The following IL20RB variants were observed in gnomAD, a reference collection of about 807,000 sequenced individuals.
The protein encoded by IL20RB is interleukin 20 receptor subunit beta, also known as interleukin-20 receptor subunit beta.
IL20RB carries 21 observed loss-of-function variants against 33.3 expected under a neutral mutation model. That is an observed-to-expected ratio of 0.63 (90% CI 0.45 to 0.91). The LOEUF (loss-of-function observed/expected upper bound fraction) is 0.91. Among genes scored for constraint, IL20RB ranks in the 40% least tolerant of loss-of-function variants. The probability of loss-of-function intolerance (pLI) is 0.00; values close to 1 mark genes in which losing one functional copy is unlikely to be tolerated. For synonymous variants in IL20RB, 147 were observed against 146.8 expected, an observed-to-expected ratio of 1.00 and a Z score of -0.01; for missense variants, 345 against 384.8, an observed-to-expected ratio of 0.90 and a Z score of 0.86.
At chr3:136,998,191 T>TG (rs1188058723) in intron 6 of IL20RB, among the ~76,000 whole-genome samples, 1 of 139,634 alleles carries the variant, frequency 7.2e-6, no homozygotes. Flanking sequence ...AATTAAAAAT[T>TG]TTTTTTGAAT....
intron 5 of IL20RB, among the ~76,000 whole-genome samples, chr3:136,993,528 C>A (rs890016224): frequency 7.2e-5 from 11 of 152,084 alleles, no homozygotes; most frequent in Non-Finnish European, 1.5e-4. Flanking sequence ...CCCATTAACT[C>A]GTCATTTACA....
chr3:136,994,248 TTGTATATTTTA>T (rs1560075138), intron 5 of IL20RB, among the ~76,000 whole-genome samples: 1 of 152,152 alleles, frequency 6.6e-6, no homozygotes, highest in Admixed American at 6.5e-5. Flanking sequence ...AATAACCTAA[TTGTATATTTTA>T]ACATAACTTA....
In IL20RB at chr3:137,009,492, C is replaced by T. The variant is rs149381615; in HGVS notation, c.826-621C>T. Among the ~76,000 whole-genome samples the T allele has an allele frequency of 2.8e-4, 42 of 152,172 alleles. No individual in the cohort carries two copies. In the East Asian group the frequency reaches 8.1e-3, roughly 29 times the overall value. On this transcript the variant is annotated intron_variant, in intron 6 of 6. Coordinates refer to ENST00000329582, the MANE Select transcript of IL20RB (RefSeq NM_144717.4). Reference sequence around the variant, plus strand: ...GTGCTGTTCATAAAGCATCTCAGACCAGGTCATAATTCTCAGAGCTCTGTG... The same window carrying T: ...GTGCTGTTCATAAAGCATCTCAGACTAGGTCATAATTCTCAGAGCTCTGTG...
At chr3:136,985,222 G>A (rs933726003) in intron 3 of IL20RB, among the ~76,000 whole-genome samples, 22 of 152,014 alleles carry the variant, frequency 1.4e-4, no homozygotes, top group African/African-American at 4.8e-4. Context: ...TCTCTTAAGG[G>A]CATTAAGTTT....
chr3:136,996,673 C>T (rs1244849917), intron 6 of IL20RB, among the ~76,000 whole-genome samples: 3 of 152,204 alleles, frequency 2.0e-5, no homozygotes, highest in African/African-American at 7.2e-5. Flanking sequence ...GTAGTCATAA[C>T]GATGTTAGCT....
At chr3:136,964,411 T>C (rs930135119) in intron 1 of IL20RB, among the ~76,000 whole-genome samples, 7 of 101,086 alleles carry the variant, frequency 6.9e-5, no homozygotes, top group Admixed American at 3.6e-4. Context: ...TGATATCTCA[T>C]AGTGGTTTTG....
In IL20RB at chr3:136,974,060, G is replaced by A. The variant is rs569490658; in HGVS notation, c.89-6406G>A. ...GAGAATTTAATCCACTTATATTCAA[G>A]GTTATTAATATGTGAGGTTTTTTCC... On this transcript the variant is annotated intron_variant, in intron 1 of 6. Coordinates refer to ENST00000329582, the MANE Select transcript of IL20RB (RefSeq NM_144717.4). Among the ~76,000 whole-genome samples the A allele has an allele frequency of 4.0e-5, 6 of 151,860 alleles. No homozygotes were observed. The South Asian group carries it at 1.3e-3, about 32-fold the overall frequency.
chr3:136,995,528 G>A lies in IL20RB; in HGVS notation c.797G>A (p.Cys266Tyr). 2.5e-6 allele frequency: 4 copies of A among 1,614,128 alleles called. No homozygotes were observed. The highest frequency in any genetic ancestry group is 3.4e-6 in the Non-Finnish European group (4 of 1,180,032). ...KMGRLLQYSC[C>Y]PVVVLPDTLK... is the part of the protein sequence containing the mutation. ...GGCCGGCTGCTCCAGTACTCCTGTT[G>A]CCCCGTGGTGGTCCTCCCAGACACC... The change falls in exon 6 of 7, where the codon TGC (cysteine) becomes TAC (tyrosine). Residue 266 changes from cysteine (C) to tyrosine (Y), a missense_variant. Physicochemically the swap from Cys to Tyr is radical, Grantham distance 194. Transcript: ENST00000329582.
At chr3:136,959,857 A>C (rs1489312192) in intron 1 of IL20RB, among the ~76,000 whole-genome samples, 2 of 152,198 alleles carry the variant, frequency 1.3e-5, no homozygotes, top group Admixed American at 1.3e-4. Context: ...TTCCTGTGAA[A>C]TGGTCATAAT....
rs140027030 is a variant in IL20RB at position 136,995,341 on chromosome 3, C to T, written c.683-73C>T. ...ATGTGCAGAGTCAACTCCAGGAAAC[C>T]GGGGGAGGCTCAGGATTGAAGTTTT... On this transcript the variant is annotated intron_variant, in intron 5 of 6. Transcript: ENST00000329582. 1.1e-3 allele frequency: 1,693 copies of T among 1,555,336 alleles called. 2 individuals carry two copies. Among genetic ancestry groups the T allele is most frequent in the Admixed American group, 3.1e-3 (178 of 57,204 alleles).
chr3:136,995,635 G>A, intron 6 of IL20RB, 79 bp downstream of exon 6: 1 of 1,329,980 alleles, frequency 7.5e-7, no homozygotes, highest in Non-Finnish European at 1.1e-6. Flanking sequence ...ATGGGCACAT[G>A]TTTCCATGTT....
At chr3:136,962,780 A>G (rs1178529776) in intron 1 of IL20RB, among the ~76,000 whole-genome samples, 1 of 151,346 alleles carries the variant, frequency 6.6e-6, no homozygotes, top group Non-Finnish European at 1.5e-5. Context: ...CAAGGTCATT[A>G]AAAAAGACAA....
chr3:136,995,566 T>A lies in IL20RB; in HGVS notation c.825+10T>A, dbSNP rs758270860. 1.2e-6 allele frequency: 2 copies of A among 1,613,616 alleles called. No individual in the cohort carries two copies. Among genetic ancestry groups the A allele is most frequent in the Non-Finnish European group, 1.7e-6 (2 of 1,179,666 alleles). ...CCTCCCAGACACCTTGGTAATAGAG[T>A]AGTTCTTTATTCCTTTCAGTATAAC... On this transcript the variant is annotated intron_variant, in intron 6 of 6. Coordinates refer to ENST00000329582, the MANE Select transcript of IL20RB (RefSeq NM_144717.4).
At chr3:136,977,672 C>T (rs776763898) in intron 1 of IL20RB, among the ~76,000 whole-genome samples, 30 of 152,064 alleles carry the variant, frequency 2.0e-4, no homozygotes, top group Admixed American at 4.6e-4. Context: ...ATTACAGGCA[C>T]GCACTACCAC....
intron 3 of IL20RB, among the ~76,000 whole-genome samples, chr3:136,983,376 T>C (rs903963025): frequency 1.3e-5 from 2 of 152,128 alleles, no homozygotes; most frequent in Non-Finnish European, 2.9e-5. Context: ...GCATGAGCCA[T>C]GGCGCCCGGC....
chr3:136,977,058 T>G (rs927765457), intron 1 of IL20RB, among the ~76,000 whole-genome samples: 1 of 152,192 alleles, frequency 6.6e-6, no homozygotes, highest in African/African-American at 2.4e-5. Flanking sequence ...CCTCCTTCCT[T>G]GCTTTTGGTG....
intron 6 of IL20RB, 115 bp from the exon 7 acceptor site, chr3:137,009,998 T>C: frequency 1.6e-6 from 1 of 635,944 alleles, no homozygotes; most frequent in South Asian, 2.0e-5. Flanking sequence ...GTTTTTTGGT[T>C]TTTGTTTTTG....
At chr3:136,960,138 CTTTTTTTTTTT>C (rs10540948) in intron 1 of IL20RB, among the ~76,000 whole-genome samples, 19 of 36,196 alleles carry the variant, frequency 5.2e-4, no homozygotes, top group African/African-American at 1.7e-3. Context: ...AGAGTTGTGG[CTTTTTTTTTTT>C]TTTTTTTTTT....
chr3:136,990,705 C>T (rs1385070688), intron 4 of IL20RB, among the ~76,000 whole-genome samples: 4 of 152,204 alleles, frequency 2.6e-5, no homozygotes, highest in Non-Finnish European at 5.9e-5. Flanking sequence ...GCCAAGGGTA[C>T]CCTTGATCTT....
Sources: allele counts gnomAD v4.1 joint callset (sites outside exome capture counted in the v4.1 genomes callset), GRCh38; gene constraint gnomAD v4.1.1; transcripts MANE v1.5; gene names NCBI Gene and HGNC (gene_info 2026-07-23, HGNC 2026-07-21).